Variants in TRIM48 observed in about 807,000 individuals in gnomAD.
TRIM48 encodes the protein tripartite motif containing 48.
In TRIM48, 31 loss-of-function variants were observed where a neutral mutation model predicts 29.5. The ratio of observed to expected loss-of-function variants is 1.05; its 90% CI spans 0.79 to 1.42. The LOEUF is 1.42. Among genes scored for constraint, TRIM48 ranks in the 40% most tolerant of loss-of-function variants. The probability of loss-of-function intolerance (pLI) is 0.00; values close to 1 mark genes in which losing one functional copy is unlikely to be tolerated. For missense variants in TRIM48, 344 were observed against 265.0 expected, an observed-to-expected ratio of 1.30 and a Z score of -2.07; for synonymous variants, 128 against 90.6, an observed-to-expected ratio of 1.41 and a Z score of -2.34.
intron 3 of TRIM48, among the ~76,000 whole-genome samples, chr11:55,266,928 C>T (rs896837219): frequency 6.8e-6 from 1 of 147,520 alleles, no homozygotes; most frequent in Non-Finnish European, 1.5e-5. Flanking sequence ...ACAAAAATGG[C>T]CAAATCATAA....
At chr11:55,267,668 T>C in intron 3 of TRIM48, 1 of 1,564,464 alleles carries the variant, frequency 6.4e-7, no homozygotes, top group Non-Finnish European at 8.7e-7. Context: ...TTTCAGGTTT[T>C]TGACTATTCA....
intron 1 of TRIM48, among the ~76,000 whole-genome samples, chr11:55,263,956 C>A (rs1179132464): frequency 2.6e-5 from 4 of 152,110 alleles, no homozygotes; most frequent in African/African-American, 9.7e-5. Context: ...ATGGTACCCA[C>A]TCAAACTGAG....
In TRIM48 at chr11:55,265,347, A is replaced by G. The variant is rs1286436193; in HGVS notation, c.459+33A>G. 16 of 1,580,714 alleles carry G rather than the reference A, an allele frequency of 1.0e-5. 1 individual carries two copies. The highest frequency in any genetic ancestry group is 5.4e-5 in the African/African-American group (4 of 73,406). ...ATGCCTCTGAAGATCTATTTCTATA[A>G]AGGACACATGAAATTCCTGTGGCCC... On this transcript the variant is annotated intron_variant, in intron 2 of 5. Transcript: ENST00000417545.
rs2120117300 is a variant in TRIM48 at position 55,269,498 on chromosome 11, C to T, written c.*1+159C>T. Among the ~76,000 whole-genome samples, 2 of 148,162 alleles carry T rather than the reference C, an allele frequency of 1.3e-5. 1 individual carries two copies. Among genetic ancestry groups the T allele is most frequent in the East Asian group, 4.3e-4 (2 of 4,664 alleles). ...CCTTTTGTATCTGTGTCTGTATAGT[C>T]AGATTTATAGCATTAAGATTGAAAG... is the stretch of plus-strand genomic sequence containing the variant. On this transcript the variant is annotated intron_variant, in intron 5 of 5. Transcript: ENST00000417545.
chr11:55,267,649 G>A lies in TRIM48; in HGVS notation c.556-701G>A, dbSNP rs3974145. 300 of 1,564,838 alleles carry A rather than the reference G, an allele frequency of 1.9e-4. 25 individuals are homozygous for A. The highest frequency in any genetic ancestry group is 9.3e-4 in the Middle Eastern group (4 of 4,284). On this transcript the variant is annotated intron_variant, in intron 3 of 5. Coordinates refer to ENST00000417545, the MANE Select transcript of TRIM48 (RefSeq NM_024114.5). ...GTGGAGCTACTTCAGGTACAAACTCGCAATGTGGTTTCAGGTTTTTGACTA... is the reference window on the plus strand; with the variant it reads ...GTGGAGCTACTTCAGGTACAAACTCACAATGTGGTTTCAGGTTTTTGACTA...
rs144281187 is a variant in TRIM48 at position 55,265,153 on chromosome 11, C to T, written c.298C>T (p.Leu100=). Residue 100 remains leucine, a synonymous_variant, in exon 2 of 6, where the codon CTA becomes TTA. Coordinates refer to ENST00000417545, the MANE Select transcript of TRIM48 (RefSeq NM_024114.5). The part of the protein sequence containing the change: ...ASLARKASLW[L]FLSSEEQMCG... ...CCTTGCCAGAAAAGCCAGTCTCTGG[C>T]TATTCCTGAGCTCTGAGGAGCAAAT... 3.0e-4 allele frequency: 471 copies of T among 1,582,786 alleles called. 36 individuals are homozygous for T. The highest frequency in any genetic ancestry group is 3.9e-4 in the Admixed American group (23 of 58,542).
chr11:55,262,350 C>T (rs976432281), intron 1 of TRIM48, 39 bp downstream of exon 1: 17 of 1,419,242 alleles, frequency 1.2e-5, no homozygotes, highest in East Asian at 2.5e-5. Context: ...TATCTTCTTT[C>T]CTTTACAAAA....
At position 55,265,311 on chromosome 11, in the gene TRIM48, C is replaced by A; in HGVS notation, c.456C>A (p.His152Gln). The change falls in exon 2 of 6, where the codon CAC (histidine) becomes CAA (glutamine). Residue 152 changes from histidine (H) to glutamine (Q), a missense_variant. Coordinates refer to ENST00000417545, the MANE Select transcript of TRIM48 (RefSeq NM_024114.5). ...HCPAEWAAEE[H>Q]WEKLLKKMQS... ...CCGCTGAGTGGGCTGCTGAGGAACA[C>A]TGGGTAAGTGATGCCTCTGAAGATC... 6.3e-7 allele frequency: 1 copy of A among 1,582,244 alleles called. No homozygotes were observed. Among genetic ancestry groups the A allele is most frequent in the Non-Finnish European group, 8.6e-7 (1 of 1,166,072 alleles).
At position 55,265,200 on chromosome 11, in the gene TRIM48, A is replaced by T. The variant is rs765999295; in HGVS notation, c.345A>T (p.Thr115=). 1.3e-6 allele frequency: 2 copies of T among 1,582,812 alleles called. No homozygotes were observed. Among genetic ancestry groups the T allele is most frequent in the Admixed American group, 1.7e-5 (1 of 58,518 alleles). ...EEQMCGIHRE[T]KKMFCEVDRS... Reference sequence around the variant, plus strand: ...AAATGTGTGGCATTCACAGGGAGACAAAGAAGATGTTCTGTGAAGTGGACA... The same window carrying T: ...AAATGTGTGGCATTCACAGGGAGACTAAGAAGATGTTCTGTGAAGTGGACA... The change falls in exon 2 of 6, where the codon ACA becomes ACT. Residue 115 remains threonine, a synonymous_variant. Transcript: ENST00000417545.
chr11:55,265,442 C>G, intron 2 of TRIM48, 128 bp downstream of exon 2: 1 of 1,496,096 alleles, frequency 6.7e-7, no homozygotes, highest in Non-Finnish European at 9.0e-7. Context: ...GCTTTCTTAG[C>G]TTCAAACCTC....
At chr11:55,263,149 T>C (rs1023050836) in intron 1 of TRIM48, among the ~76,000 whole-genome samples, 18 of 152,268 alleles carry the variant, frequency 1.2e-4, no homozygotes, top group African/African-American at 4.3e-4. Context: ...CATAAGATTA[T>C]AATACCAGTA....
chr11:55,265,360 A>T (rs113749453), intron 2 of TRIM48, 46 bp downstream of exon 2: 7 of 1,578,626 alleles, frequency 4.4e-6, no homozygotes, highest in African/African-American at 2.7e-5. Flanking sequence ...GACACATGAA[A>T]TTCCTGTGGC....
At chr11:55,267,258 A>T (rs1184275856) in intron 3 of TRIM48, 1 of 897,710 alleles carries the variant, frequency 1.1e-6, no homozygotes, top group Non-Finnish European at 1.6e-6. Context: ...TTATGCAGAA[A>T]GAAAGGAAAG....
intron 1 of TRIM48, among the ~76,000 whole-genome samples, chr11:55,263,989 A>T (rs935824679): frequency 1.3e-5 from 2 of 152,088 alleles, no homozygotes; most frequent in Admixed American, 6.6e-5. Flanking sequence ...CACTCAGCTC[A>T]CCAACTCACA....
rs182981047 is a variant in TRIM48, at chr11:55,270,567, A to T, written c.*132A>T. 1.1e-4 allele frequency: 181 copies of T among 1,583,596 alleles called. 15 individuals are homozygous for T. The African/African-American group carries it at 1.3e-3, about 11-fold the overall frequency. On this transcript the variant is annotated 3_prime_UTR_variant, in exon 6 of 6. Coordinates refer to ENST00000417545, the MANE Select transcript of TRIM48 (RefSeq NM_024114.5). The stretch of plus-strand genomic sequence containing the variant: ...CTGCAACACCTACAAGTTTTCTTGC[A>T]TGGGGTGCTCAGACTTTCACCTCTG...
At position 55,270,989 on chromosome 11, in the gene TRIM48, G is replaced by T; in HGVS notation, c.*554G>T. The T allele has an allele frequency of 1.3e-6, 2 of 1,517,622 alleles. No homozygotes were observed. The highest frequency in any genetic ancestry group is 1.5e-5 in the African/African-American group (1 of 66,828). The allele number at this position is 1,517,622 out of a possible 1,614,324, so 94.0% of individuals were successfully genotyped here. A position where few individuals can be genotyped will look rare whatever the true frequency, so the allele number is the denominator to read the frequency against. Reference sequence around the variant, plus strand: ...CTGCTGTGGGAACCCCTTTATCCCAGAAAGCCCTCTTCCTTGTGCCTTATC... The same window carrying T: ...CTGCTGTGGGAACCCCTTTATCCCATAAAGCCCTCTTCCTTGTGCCTTATC... On this transcript the variant is annotated 3_prime_UTR_variant, in exon 6 of 6. Coordinates refer to ENST00000417545, the MANE Select transcript of TRIM48 (RefSeq NM_024114.5).
At chr11:55,268,916 T>A (rs2120115222) in intron 4 of TRIM48, among the ~76,000 whole-genome samples, 1 of 147,886 alleles carries the variant, frequency 6.8e-6, no homozygotes, top group South Asian at 2.4e-4. Flanking sequence ...CCCCTCTATT[T>A]CAGACAAAGA....
At chr11:55,263,279 A>G (rs2120097198) in intron 1 of TRIM48, among the ~76,000 whole-genome samples, 1 of 152,324 alleles carries the variant, frequency 6.6e-6, no homozygotes, top group East Asian at 1.9e-4. Flanking sequence ...TAGGAGCAAT[A>G]GGCTGTACTG....
Position 55,269,138 on chromosome 11 carries a change from T to A in TRIM48, c.579-104T>A, listed in dbSNP as rs1857437339. 2.1e-6 allele frequency: 3 copies of A among 1,429,274 alleles called. No homozygotes were observed. In the Admixed American group the frequency reaches 6.5e-5, roughly 31 times the overall value. The allele number at this position is 1,429,274 out of a possible 1,614,324, so 88.5% of individuals were successfully genotyped here. On this transcript the variant is annotated intron_variant, in intron 4 of 5. Coordinates refer to ENST00000417545, the MANE Select transcript of TRIM48 (RefSeq NM_024114.5). ...AAGGAATAATTTTTGAATTATCAAA[T>A]TTGTGGGTTCAAAGGATTCTCATGA...
Sources: gnomAD v4.1 joint callset for allele counts (sites outside exome capture counted in the v4.1 genomes callset) on GRCh38, gnomAD v4.1.1 for gene constraint, MANE v1.5 for transcripts, NCBI Gene and HGNC (gene_info 2026-07-23, HGNC 2026-07-21) for gene names.